LAMA3: variants seen among roughly 807,000 people sequenced by gnomAD.
LAMA3 encodes the protein laminin subunit alpha 3, also known as laminin subunit alpha-3.
In LAMA3, 281 loss-of-function variants were observed where a neutral mutation model predicts 402.0. The ratio of observed to expected loss-of-function variants is 0.70; its 90% CI spans 0.63 to 0.77. The LOEUF (loss-of-function observed/expected upper bound fraction) is 0.77. LAMA3 is among the 30% of genes least tolerant of loss of function. LAMA3 has a pLI of 0.00. For missense variants in LAMA3, 3,840 were observed against 4,215.5 expected, an observed-to-expected ratio of 0.91 and a Z score of 2.47; for synonymous variants, 1,431 against 1,558.4, an observed-to-expected ratio of 0.92 and a Z score of 1.93.
At chr18:23,775,770 T>C (rs750460606) in intron 9 of LAMA3, 22 bp from the exon 10 acceptor site, 16 of 1,613,810 alleles carry the variant, frequency 9.9e-6, no homozygotes, top group Non-Finnish European at 1.4e-5. Flanking sequence ...ACGGATCCTT[T>C]GAAAACTGGG....
chr18:23,906,297 T>A (rs2081247149), intron 52 of LAMA3, among the ~76,000 whole-genome samples: 1 of 152,194 alleles, frequency 6.6e-6, no homozygotes. Context: ...TGGTTTGGGA[T>A]CATTAGAATA....
intron 42 of LAMA3, among the ~76,000 whole-genome samples, chr18:23,892,123 G>A (rs2080691322): frequency 6.6e-6 from 1 of 152,216 alleles, no homozygotes; most frequent in Non-Finnish European, 1.5e-5. Context: ...TTCTAAGGAA[G>A]AAGTGTCTAA....
rs760886324 is a variant in LAMA3 at position 23,842,635 on chromosome 18, C to T, written c.3488C>T (p.Pro1163Leu). ...GGCTCCTTCCATGCCTCTTTTTGCCCCCATGTGCTTGGCTGCCGGGATCAA... is the reference window on the plus strand; with the variant it reads ...GGCTCCTTCCATGCCTCTTTTTGCCTCCATGTGCTTGGCTGCCGGGATCAA... ...RAGSFHASFCPHVLGCRDQVI... is the reference protein window; with the variant it reads ...RAGSFHASFCLHVLGCRDQVI... Residue 1163 changes from proline to leucine, a missense_variant, in exon 29 of 75, where the codon CCC (proline) becomes CTC (leucine). Coordinates refer to ENST00000313654, the MANE Select transcript of LAMA3 (RefSeq NM_198129.4). The T allele has an allele frequency of 1.9e-6, 3 of 1,614,176 alleles. No homozygotes were observed. Among genetic ancestry groups the T allele is most frequent in the South Asian group, 2.2e-5 (2 of 91,088 alleles).
intron 2 of LAMA3, among the ~76,000 whole-genome samples, chr18:23,744,694 T>C (rs1471066293): frequency 2.0e-5 from 3 of 151,166 alleles, no homozygotes; most frequent in African/African-American, 7.3e-5. Flanking sequence ...TAGCCGGGCG[T>C]GGTGGCAGGT....
chr18:23,935,874 T>G (rs1289576923), intron 67 of LAMA3, among the ~76,000 whole-genome samples: 3 of 152,034 alleles, frequency 2.0e-5, no homozygotes, highest in Non-Finnish European at 4.4e-5. Flanking sequence ...GGAGGGTTCT[T>G]CTGGAGGAGG....
intron 49 of LAMA3, 107 bp from the exon 50 acceptor site, chr18:23,903,826 A>AT: frequency 1.1e-6 from 1 of 918,018 alleles, no homozygotes; most frequent in East Asian, 2.4e-5. Context: ...AAAATATAAC[A>AT]TCTCATTGTT....
At chr18:23,787,432 T>C (rs2062567525) in intron 12 of LAMA3, among the ~76,000 whole-genome samples, 1 of 152,122 alleles carries the variant, frequency 6.6e-6, no homozygotes, top group Non-Finnish European at 1.5e-5. Flanking sequence ...CTAAATTTAA[T>C]GAAAAGCCAT....
intron 24 of LAMA3, 46 bp from the exon 25 acceptor site, chr18:23,836,935 G>T: frequency 7.4e-7 from 1 of 1,359,076 alleles, no homozygotes; most frequent in Non-Finnish European, 1.1e-6. Context: ...GCAGAATGAG[G>T]GAGATGCCGG....
chr18:23,816,645 G>A, intron 18 of LAMA3, among the ~76,000 whole-genome samples, 158 bp downstream of exon 18: 1 of 152,176 alleles, frequency 6.6e-6, no homozygotes, highest in Admixed American at 6.5e-5. Context: ...ATTTGTGTGT[G>A]AGTTGTTTAA....
Position 23,946,206 on chromosome 18 carries a change from G to A in LAMA3, c.9273G>A (p.Glu3091=), listed in dbSNP as rs146163295. 6.1e-5 allele frequency: 98 copies of A among 1,613,952 alleles called. No homozygotes were observed. The highest frequency in any genetic ancestry group is 1.0e-4 in the Admixed American group (6 of 59,992). ...TTGTGGATGGACTGAGGGCCCGGGA[G>A]GGAAGTTTGCCTGGAAACTCCACCA... is the stretch of plus-strand genomic sequence containing the variant. ...RLVVDGLRAR[E]GSLPGNSTIS... Residue 3091 remains glutamate (E), a synonymous_variant, in exon 70 of 75, where the codon GAG becomes GAA. Coordinates refer to ENST00000313654, the MANE Select transcript of LAMA3 (RefSeq NM_198129.4).
chr18:23,714,849 C>G (rs1294767455), intron 2 of LAMA3, among the ~76,000 whole-genome samples: 1 of 152,136 alleles, frequency 6.6e-6, no homozygotes, highest in Admixed American at 6.5e-5. Flanking sequence ...TCCTGCCGCT[C>G]GCAGCCAACA....
intron 32 of LAMA3, among the ~76,000 whole-genome samples, chr18:23,851,289 C>A (rs756393639): frequency 2.6e-5 from 4 of 152,196 alleles, no homozygotes; most frequent in Non-Finnish European, 5.9e-5. Context: ...TGTCGTCCTT[C>A]GTCTCCTGTA....
chr18:23,811,651 G>A (rs374399822), intron 13 of LAMA3, among the ~76,000 whole-genome samples: 1 of 152,118 alleles, frequency 6.6e-6, no homozygotes, highest in East Asian at 1.9e-4. Flanking sequence ...GGAACCCGAG[G>A]TTGGGCATGG....
At chr18:23,921,144 TC>T in intron 61 of LAMA3, 90 bp downstream of exon 61, 1 of 1,391,912 alleles carries the variant, frequency 7.2e-7, no homozygotes, top group East Asian at 2.4e-5. Context: ...AAATAAAACT[TC>T]CTATTACCAG....
At chr18:23,709,433 G>A (rs894633703) in intron 1 of LAMA3, among the ~76,000 whole-genome samples, 16 of 152,074 alleles carry the variant, frequency 1.1e-4, no homozygotes, top group African/African-American at 3.4e-4. Flanking sequence ...GTTTTATTTC[G>A]TTTATTCCAA....
At position 23,914,832 on chromosome 18, in the gene LAMA3, A is replaced by G; in HGVS notation, c.7616A>G (p.Tyr2539Cys). ...LNLDPENVVF[Y>C]VGGYPPDFKL... is the part of the protein sequence containing the mutation. The stretch of plus-strand genomic sequence containing the variant: ...TTGGATCCTGAAAATGTTGTATTTT[A>G]TGTTGGAGGTTACCCACCTGATTTT... Residue 2539 changes from tyrosine to cysteine, a missense_variant, in exon 58 of 75, where the codon TAT becomes TGT. Coordinates refer to ENST00000313654, the MANE Select transcript of LAMA3 (RefSeq NM_198129.4). 2 of 1,613,050 alleles carry G rather than the reference A, an allele frequency of 1.2e-6. No individual in the cohort carries two copies. The highest frequency in any genetic ancestry group is 1.7e-6 in the Non-Finnish European group (2 of 1,179,066).
At chr18:23,740,263 C>T (rs190386111) in intron 2 of LAMA3, among the ~76,000 whole-genome samples, 9 of 152,290 alleles carry the variant, frequency 5.9e-5, no homozygotes, top group Admixed American at 2.0e-4. Flanking sequence ...TTCTGCAAGT[C>T]TATTTAGGGA....
chr18:23,921,566 C>T lies in LAMA3; in HGVS notation c.8158C>T (p.Pro2720Ser), dbSNP rs769121937. ...CAGCACATATTATCTGGGAGGAATT[C>T]CAATTGCAATCAGGGAAAGGTAAGA... Reference protein sequence around the residue: ...DFSTYYLGGIPIAIRERFNIS... With the variant: ...DFSTYYLGGISIAIRERFNIS... The change falls in exon 62 of 75, where the codon CCA becomes TCA. Residue 2720 changes from proline (P) to serine (S), a missense_variant. This residue lies in a region of LAMA3 where 840 missense variants were observed against 981.9 expected (regional missense o/e 0.86). Coordinates refer to ENST00000313654, the MANE Select transcript of LAMA3 (RefSeq NM_198129.4). 2 of 1,613,746 alleles carry T rather than the reference C, an allele frequency of 1.2e-6. No homozygotes were observed. The highest frequency in any genetic ancestry group is 2.2e-5 in the South Asian group (2 of 91,050).
At chr18:23,724,127 G>T (rs751273446) in intron 2 of LAMA3, among the ~76,000 whole-genome samples, 1 of 152,064 alleles carries the variant, frequency 6.6e-6, no homozygotes, top group Admixed American at 6.6e-5. Flanking sequence ...GAGAACATAC[G>T]ATATTTGGTT....
Sources: allele counts gnomAD v4.1 joint callset (sites outside exome capture counted in the v4.1 genomes callset), GRCh38; gene constraint gnomAD v4.1.1; regional missense constraint gnomAD v4.1.1; transcripts MANE v1.5; gene names NCBI Gene and HGNC (gene_info 2026-07-23, HGNC 2026-07-21).